Variants in PMEL observed in about 807,000 individuals in gnomAD.
PMEL encodes premelanosome protein.
A neutral mutation model predicts 64.9 loss-of-function variants in PMEL; 53 were observed. The observed-to-expected ratio is 0.82, with a 90% confidence interval of 0.66 to 1.03. The LOEUF (loss-of-function observed/expected upper bound fraction) is 1.03. Ranked by LOEUF, PMEL falls within the 50% of genes least tolerant of loss-of-function variation. PMEL has a pLI of 0.00. For synonymous variants in PMEL, 299 were observed against 316.2 expected (o/e 0.95, Z 0.58); for missense variants, 716 against 814.9 (o/e 0.88, Z 1.48).
At chr12:55,966,636 A>C, upstream of PMEL, 1 of 1,048,212 alleles carries the variant, frequency 9.5e-7, no homozygotes, top group Non-Finnish European at 1.2e-6. Context: ...CAGCCGCCCC[A>C]CCGGGGAAGA....
upstream of PMEL, chr12:55,966,636 A>G: frequency 1.1e-5 from 12 of 1,048,212 alleles, no homozygotes; most frequent in Non-Finnish European, 1.4e-5. Flanking sequence ...CAGCCGCCCC[A>G]CCGGGGAAGA....
chr12:55,956,031 G>T (rs889486171), intron 7 of PMEL, 72 bp downstream of exon 7: 11 of 1,166,844 alleles, frequency 9.4e-6, no homozygotes, highest in Non-Finnish European at 1.4e-5. Flanking sequence ...TCCTCCCAAG[G>T]TGTGCTTCCA....
Position 55,956,186 on chromosome 12 carries a change from G to A in PMEL, c.1388C>T (p.Thr463Ile), listed in dbSNP as rs971603912. The change falls in exon 7 of 11, where the codon ACC (threonine) becomes ATC (isoleucine). Residue 463 changes from threonine (T) to isoleucine (I), a missense_variant. By Grantham distance (89) the Thr-to-Ile change is moderately conservative. Transcript: ENST00000548747. ...SLGPLLDGTA[T>I]LRLVKRQVPL... ...GACTTGTCTCTTCACCAGCCTTAAG[G>A]TGGCTGTACCATCCAGCAGGGGGCC... is the stretch of plus-strand genomic sequence containing the variant. The A allele has an allele frequency of 3.7e-6, 6 of 1,613,920 alleles. No homozygotes were observed. The highest frequency in any genetic ancestry group is 5.1e-6 in the Non-Finnish European group (6 of 1,179,908).
intron 6 of PMEL, 160 bp from the exon 7 acceptor site, chr12:55,956,379 G>T: frequency 1.7e-6 from 1 of 573,966 alleles, no homozygotes; most frequent in South Asian, 2.4e-5. Flanking sequence ...CTATAGATAA[G>T]GAAACTGAGG....
chr12:55,963,833 C>A (rs1341455786), intron 1 of PMEL, among the ~76,000 whole-genome samples: 1 of 152,024 alleles, frequency 6.6e-6, no homozygotes, highest in Non-Finnish European at 1.5e-5. Flanking sequence ...GCAGAAACTA[C>A]CCTCACCCCA....
In PMEL at chr12:55,955,520, A is replaced by T. The variant is rs1888835746; in HGVS notation, c.1706T>A (p.Val569Glu). The T allele has an allele frequency of 2.5e-6, 4 of 1,614,144 alleles. No individual in the cohort carries two copies. The highest frequency in any genetic ancestry group is 3.4e-6 in the Non-Finnish European group (4 of 1,180,016). The change falls in exon 9 of 11, where the codon GTG becomes GAG. Residue 569 changes from valine (V) to glutamate (E), a missense_variant. Val to Glu is a moderately radical substitution (Grantham distance 121). Coordinates refer to ENST00000548747, the MANE Select transcript of PMEL (RefSeq NM_001384361.1). ...KGGSGTYCLNVSLADTNSLAV... is the reference protein window; with the variant it reads ...KGGSGTYCLNESLADTNSLAV... The stretch of plus-strand genomic sequence containing the variant: ...CAGGCTGTTGGTATCAGCCAGAGAC[A>T]CATTGAGGCAGTATGTCCCCGAGCC...
intron 1 of PMEL, among the ~76,000 whole-genome samples, chr12:55,964,077 A>G (rs1310589127): frequency 6.6e-6 from 1 of 151,634 alleles, no homozygotes; most frequent in Non-Finnish European, 1.5e-5. Flanking sequence ...TCAAACTCCT[A>G]GGCTGAAGCC....
At position 55,961,352 on chromosome 12, in the gene PMEL, C is replaced by A. The variant is rs766499802; in HGVS notation, c.299G>T (p.Gly100Val). Reference protein sequence around the residue: ...FPGSQKVLPDGQVIWVNNTII... With the variant: ...FPGSQKVLPDVQVIWVNNTII... Reference sequence around the variant, plus strand: ...GGTATTGTTGACCCAGATAACCTGCCCATCTGGCAATACCTTTTGGCTTCC... The same window carrying A: ...GGTATTGTTGACCCAGATAACCTGCACATCTGGCAATACCTTTTGGCTTCC... Residue 100 changes from glycine (G) to valine (V), a missense_variant, in exon 3 of 11, where the codon GGG (glycine) becomes GTG (valine). Coordinates refer to ENST00000548747, the MANE Select transcript of PMEL (RefSeq NM_001384361.1). 1.2e-6 allele frequency: 2 copies of A among 1,614,054 alleles called. No homozygotes were observed. Among genetic ancestry groups the A allele is most frequent in the Admixed American group, 3.3e-5 (2 of 60,026 alleles).
At chr12:55,955,960 T>C in intron 7 of PMEL, 97 bp from the exon 8 acceptor site, 1 of 1,184,752 alleles carries the variant, frequency 8.4e-7, no homozygotes, top group Non-Finnish European at 1.3e-6. Flanking sequence ...ACCAATCCCA[T>C]CCCTGTGCTT....
chr12:55,955,137 G>T, intron 10 of PMEL, 137 bp downstream of exon 10: 2 of 751,592 alleles, frequency 2.7e-6, no homozygotes, highest in Non-Finnish European at 4.8e-6. Context: ...ACCCAAGTCT[G>T]TCTAACTTAA....
intron 3 of PMEL, 38 bp downstream of exon 3, chr12:55,961,279 G>A (rs2136446065): frequency 6.3e-7 from 1 of 1,597,266 alleles, no homozygotes; most frequent in Non-Finnish European, 8.6e-7. Flanking sequence ...GGGAACCTGA[G>A]CCCTAGGAAT....
At chr12:55,956,256 C>T (rs761428902) in intron 6 of PMEL, 37 bp from the exon 7 acceptor site, 4 of 1,349,632 alleles carry the variant, frequency 3.0e-6, no homozygotes, top group African/African-American at 1.4e-5. Context: ...GATCAAGAGA[C>T]AGATGACTCA....
intron 4 of PMEL, 74 bp downstream of exon 4, chr12:55,958,391 AAGGGGCGG>A: frequency 7.2e-7 from 1 of 1,390,328 alleles, no homozygotes; most frequent in Non-Finnish European, 9.9e-7. Flanking sequence ...GTTAAGGTGG[AAGGGGCGG>A]CCAAAAGAAA....
At chr12:55,965,518 G>A (rs1889265605) in intron 1 of PMEL, among the ~76,000 whole-genome samples, 1 of 151,618 alleles carries the variant, frequency 6.6e-6, no homozygotes, top group Non-Finnish European at 1.5e-5. Context: ...TCTGGGCTGT[G>A]TTCACCCGTA....
chr12:55,958,377 A>C, intron 4 of PMEL, 96 bp downstream of exon 4: 1 of 1,259,780 alleles, frequency 7.9e-7, no homozygotes, highest in South Asian at 1.4e-5. Context: ...AGAAAATCAC[A>C]GAAGTTAAGG....
At position 55,955,864 on chromosome 12, in the gene PMEL, C is replaced by G. The variant is rs897047439; in HGVS notation, c.1472-1G>C. 11 of 1,613,412 alleles carry G rather than the reference C, an allele frequency of 6.8e-6. No homozygotes were observed. The African/African-American group carries it at 1.5e-4, about 22-fold the overall frequency. ...AGGATCTCGGCACTTTCAATACCCT[C>G]TGCAGAGTTGCAAGCTTATCAAATT... is the stretch of plus-strand genomic sequence containing the variant. On this transcript the variant is annotated splice_acceptor_variant, in intron 7 of 10. Coordinates refer to ENST00000548747, the MANE Select transcript of PMEL (RefSeq NM_001384361.1). LOFTEE classifies it high-confidence loss of function.
Position 55,955,571 on chromosome 12 carries a change from A to G in PMEL, c.1655T>C (p.Leu552Pro). The change falls in exon 9 of 11, where the codon CTG (leucine) becomes CCG (proline). Residue 552 changes from leucine to proline, a missense_variant. Coordinates refer to ENST00000548747, the MANE Select transcript of PMEL (RefSeq NM_001384361.1). The stretch of plus-strand genomic sequence containing the variant: ...ACCCTTCAGTATCTGGTGCAGAACC[A>G]GCTGGCAGGCTGGGCTGGGTAGCAC... ...QPVLPSPACQLVLHQILKGGS... is the reference protein window; with the variant it reads ...QPVLPSPACQPVLHQILKGGS... The G allele has an allele frequency of 1.2e-6, 2 of 1,614,118 alleles. No individual in the cohort carries two copies. The highest frequency in any genetic ancestry group is 1.3e-5 in the African/African-American group (1 of 75,048).
chr12:55,960,410 C>G (rs1045255904), intron 3 of PMEL, among the ~76,000 whole-genome samples: 4 of 151,818 alleles, frequency 2.6e-5, no homozygotes, highest in Non-Finnish European at 5.9e-5. Flanking sequence ...GGGTCTCACT[C>G]TGTCACCCAG....
intron 3 of PMEL, among the ~76,000 whole-genome samples, chr12:55,959,759 C>T (rs752943543): frequency 1.7e-3 from 253 of 152,178 alleles, no homozygotes; most frequent in Non-Finnish European, 2.0e-3. Flanking sequence ...GAGCCAAGAT[C>T]GCACCACTGC....
Sources: gnomAD v4.1 joint callset for allele counts (sites outside exome capture counted in the v4.1 genomes callset) on GRCh38, gnomAD v4.1.1 for gene constraint, MANE v1.5 for transcripts, NCBI Gene and HGNC (gene_info 2026-07-23, HGNC 2026-07-21) for gene names.